SLCO3A1: variants seen among roughly 807,000 people sequenced by gnomAD.
The protein encoded by SLCO3A1 is solute carrier organic anion transporter family member 3A1, also known as PGE1 transporter.
In SLCO3A1, 27 loss-of-function variants were observed where a neutral mutation model predicts 63.1. The ratio of observed to expected loss-of-function variants is 0.43; its 90% CI spans 0.32 to 0.59. The LOEUF (loss-of-function observed/expected upper bound fraction) is 0.59, where lower values mean the gene tolerates loss of function less well. SLCO3A1 is among the 20% of genes least tolerant of loss of function. SLCO3A1 has a pLI of 0.09. For synonymous variants in SLCO3A1, 473 were observed against 409.9 expected (o/e 1.15, Z -1.86); for missense variants, 773 against 945.8 (o/e 0.82, Z 2.40).
rs1193515021 is a variant in SLCO3A1, at chr15:91,938,483, T to G, written c.646+22025T>G. ...ATACTCTAAACATTGGTTTTTTTTG[T>G]TTTTTTTTTTTTTTGGTATCTAGGT... On this transcript the variant is annotated intron_variant, in intron 2 of 9. Coordinates refer to ENST00000318445, the MANE Select transcript of SLCO3A1 (RefSeq NM_013272.4). Among the ~76,000 whole-genome samples, 20 of 48,098 alleles carry G rather than the reference T, an allele frequency of 4.2e-4. No homozygotes were observed. In the East Asian group the frequency reaches 0.031, roughly 75 times the overall value. The allele number at this position is 48,098 out of a possible 152,430, so 31.6% of individuals were successfully genotyped here.
intron 2 of SLCO3A1, among the ~76,000 whole-genome samples, chr15:92,002,654 G>T (rs780351091): frequency 6.6e-6 from 1 of 152,160 alleles, no homozygotes. Context: ...TTATGGTAAA[G>T]ATATTCTCCG....
downstream of SLCO3A1, among the ~76,000 whole-genome samples, chr15:92,169,053 T>C (rs1490221746): frequency 1.3e-5 from 2 of 152,196 alleles, no homozygotes; most frequent in Non-Finnish European, 2.9e-5. Flanking sequence ...GGTAAAATAC[T>C]TGGTAAGCAC....
intron 7 of SLCO3A1, among the ~76,000 whole-genome samples, chr15:92,143,839 G>T (rs1455272541): frequency 1.3e-5 from 2 of 152,110 alleles, no homozygotes; most frequent in Non-Finnish European, 2.9e-5. Context: ...CTCACTAGAC[G>T]CCCCTGGCAC....
chr15:91,874,746 A>G (rs1368831264), intron 1 of SLCO3A1, among the ~76,000 whole-genome samples: 1 of 152,128 alleles, frequency 6.6e-6, no homozygotes, highest in Non-Finnish European at 1.5e-5. Context: ...CTTTTTCCCC[A>G]CTAGGTTAAC....
In SLCO3A1 at chr15:91,875,766, T is replaced by G. The variant is rs970930661; in HGVS notation, c.180+21678T>G. Among the ~76,000 whole-genome samples, 3 of 152,250 alleles carry G rather than the reference T, an allele frequency of 2.0e-5. No homozygotes were observed. Among genetic ancestry groups the G allele is most frequent in the Non-Finnish European group, 4.4e-5 (3 of 68,038 alleles). ...GATTCTAGAGCAGGGGTTGGCAAAC[T>G]ATAGCCCATGGGCCAAACCTGGCCT... On this transcript the variant is annotated intron_variant, in intron 1 of 9. Transcript: ENST00000318445. This position sits in a 1 kb window ranked among gnomAD's most constrained non-coding sequence, Gnocchi z 4.5.
At chr15:91,867,277 G>GC (rs1444129791) in intron 1 of SLCO3A1, among the ~76,000 whole-genome samples, 1 of 152,220 alleles carries the variant, frequency 6.6e-6, no homozygotes, top group Non-Finnish European at 1.5e-5. Context: ...TCAGCTAGAA[G>GC]CAAGCACAGC....
intron 3 of SLCO3A1, among the ~76,000 whole-genome samples, chr15:92,100,094 G>A (rs957156872): frequency 3.3e-5 from 5 of 151,708 alleles, no homozygotes; most frequent in Admixed American, 1.3e-4. Flanking sequence ...ACAAAAAAAC[G>A]GAAAATGGAT....
rs1900741365 is a variant in SLCO3A1 at position 91,968,540 on chromosome 15, G to A, written c.646+52082G>A. ...AATAGGGCTCCACAAACCACCGTGGGGACCAGTGGCATCAAATTCTGGTGC... is the reference window on the plus strand; with the variant it reads ...AATAGGGCTCCACAAACCACCGTGGAGACCAGTGGCATCAAATTCTGGTGC... On this transcript the variant is annotated intron_variant, in intron 2 of 9. Transcript: ENST00000318445. The surrounding 1 kb of genome is among the most constrained non-coding windows in gnomAD (Gnocchi z 4.2). Among the ~76,000 whole-genome samples, 1 of 152,050 alleles carries A rather than the reference G, an allele frequency of 6.6e-6. No homozygotes were observed. The highest frequency in any genetic ancestry group is 2.4e-5 in the African/African-American group (1 of 41,384).
chr15:91,870,363 T>G (rs149265623), intron 1 of SLCO3A1, among the ~76,000 whole-genome samples: 2 of 152,374 alleles, frequency 1.3e-5, no homozygotes, highest in East Asian at 3.9e-4. Context: ...CTTTTGCTAC[T>G]AAATGTTGCT....
rs551394472 is a variant in SLCO3A1 at position 91,961,554 on chromosome 15, C to T, written c.646+45096C>T. Among the ~76,000 whole-genome samples the T allele has an allele frequency of 3.3e-5, 5 of 152,290 alleles. No homozygotes were observed. The South Asian group carries it at 8.3e-4, about 25-fold the overall frequency. ...CCAGAGATGAGTCATATCTCACACT[C>T]ATAGGCACTTTTCAGTGTATTTTCC... On this transcript the variant is annotated intron_variant, in intron 2 of 9. Coordinates refer to ENST00000318445, the MANE Select transcript of SLCO3A1 (RefSeq NM_013272.4).
rs1375283803 is a variant in SLCO3A1 at position 92,137,747 on chromosome 15, T to G, written c.1513-9237T>G. Among the ~76,000 whole-genome samples, 2 of 105,008 alleles carry G rather than the reference T, an allele frequency of 1.9e-5. 1 individual carries two copies. Among genetic ancestry groups the G allele is most frequent in the Non-Finnish European group, 3.6e-5 (2 of 55,054 alleles). 68.9% of individuals were successfully genotyped at this position (105,008 alleles called of 152,430 possible). ...CAGTGATGATGAGCATTTTTTCATG[T>G]GTTTTTTGGCTGCATAAATGTCTTC... On this transcript the variant is annotated intron_variant, in intron 7 of 9. Transcript: ENST00000318445.
At chr15:91,899,119 A>T (rs1042760362) in intron 1 of SLCO3A1, among the ~76,000 whole-genome samples, 2 of 151,920 alleles carry the variant, frequency 1.3e-5, no homozygotes, top group Admixed American at 1.3e-4. Flanking sequence ...CAACATACCA[A>T]CTCCTGGGTT....
chr15:92,148,896 A>T (rs2048266780), intron 8 of SLCO3A1: 1 of 152,238 alleles, frequency 6.6e-6, no homozygotes, highest in African/African-American at 2.4e-5. Context: ...TGAACTATTG[A>T]ATTTAAAACT....
In SLCO3A1 at chr15:92,164,268, A is replaced by T; in HGVS notation, c.*1133A>T. 1 of 983,988 alleles carries T rather than the reference A, an allele frequency of 1.0e-6. No individual in the cohort carries two copies. The highest frequency in any genetic ancestry group is 4.7e-5 in the South Asian group (1 of 21,266). 61.0% of individuals were successfully genotyped at this position (983,988 alleles called of 1,614,324 possible). A position where few individuals can be genotyped will look rare whatever the true frequency, so the allele number is the denominator to read the frequency against. ...TTGTAATTTTCATCATTTTATCCTC[A>T]TTCGAATATTCTACAAAAACAAGAA... On this transcript the variant is annotated 3_prime_UTR_variant, in exon 10 of 10. Transcript: ENST00000318445.
In SLCO3A1 at chr15:91,886,717, G is replaced by A. The variant is rs556962149; in HGVS notation, c.181-29276G>A. On this transcript the variant is annotated intron_variant, in intron 1 of 9. Coordinates refer to ENST00000318445, the MANE Select transcript of SLCO3A1 (RefSeq NM_013272.4). The surrounding 1 kb of genome is among the most constrained non-coding windows in gnomAD (Gnocchi z 4.9). ...ACTGACTACATCAATCTGAATAATC[G>A]AGCTCAACTCCAGACAATAATTCAG... 2.1e-3 allele frequency among the ~76,000 whole-genome samples: 313 copies of A among 152,194 alleles called. No homozygotes were observed. Among genetic ancestry groups the A allele is most frequent in the Non-Finnish European group, 3.7e-3 (253 of 68,018 alleles).
At chr15:91,866,302 G>T (rs577935580) in intron 1 of SLCO3A1, among the ~76,000 whole-genome samples, 1 of 152,202 alleles carries the variant, frequency 6.6e-6, no homozygotes, top group Admixed American at 6.5e-5. Flanking sequence ...ACTCATCCAT[G>T]TTCCCATCCC....
chr15:91,965,463 C>T (rs938022412), intron 2 of SLCO3A1, among the ~76,000 whole-genome samples: 16 of 152,176 alleles, frequency 1.1e-4, no homozygotes, highest in African/African-American at 3.9e-4. Context: ...TCATTTGGGC[C>T]TCTGAGGCTC....
At chr15:92,081,934 C>T (rs1371005217) in intron 2 of SLCO3A1, among the ~76,000 whole-genome samples, 1 of 152,220 alleles carries the variant, frequency 6.6e-6, no homozygotes, top group Admixed American at 6.5e-5. Flanking sequence ...TCTAAGAGGT[C>T]AACAGGTGCA....
At chr15:92,095,211 A>G (rs552946153) in intron 3 of SLCO3A1, among the ~76,000 whole-genome samples, 1 of 152,334 alleles carries the variant, frequency 6.6e-6, no homozygotes, top group Non-Finnish European at 1.5e-5. Flanking sequence ...ATAACCCCCA[A>G]TAGCTGATTT....
Sources: allele counts gnomAD v4.1 joint callset (sites outside exome capture counted in the v4.1 genomes callset), GRCh38; gene constraint gnomAD v4.1.1; non-coding constraint Gnocchi (gnomAD v3.1); transcripts MANE v1.5; gene names NCBI Gene and HGNC (gene_info 2026-07-23, HGNC 2026-07-21).